The following ADAMTS9 variants were observed in gnomAD, a reference collection of about 807,000 sequenced individuals.
ADAMTS9 encodes ADAM metallopeptidase with thrombospondin type 1 motif 9, also known as A disintegrin and metalloproteinase with thrombospondin motifs 9.
Under a neutral mutation model 257.1 loss-of-function variants are expected in ADAMTS9, and 107 were observed. That is an observed-to-expected ratio of 0.42 (90% CI 0.36 to 0.49). The LOEUF is 0.49. Ranked by LOEUF, ADAMTS9 falls within the 20% of genes least tolerant of loss-of-function variation. The pLI is 0.03. For missense variants in ADAMTS9, 2,353 were observed against 2,469.1 expected, an observed-to-expected ratio of 0.95 and a Z score of 1.00; for synonymous variants, 982 against 880.9, an observed-to-expected ratio of 1.11 and a Z score of -2.03.
chr3:64,665,441 G>A (rs1403091006), intron 3 of ADAMTS9, among the ~76,000 whole-genome samples: 1 of 152,216 alleles, frequency 6.6e-6, no homozygotes, highest in African/African-American at 2.4e-5. Flanking sequence ...TCATAGAGTG[G>A]CTTTGAGGAA....
chr3:64,662,770 T>C (rs1241276267), intron 3 of ADAMTS9, among the ~76,000 whole-genome samples: 1 of 152,054 alleles, frequency 6.6e-6, no homozygotes, highest in Non-Finnish European at 1.5e-5. Context: ...AGACAGAAAG[T>C]AGAGTAGTAC....
intron 12 of ADAMTS9, among the ~76,000 whole-genome samples, chr3:64,637,634 A>C (rs1700531854): frequency 6.6e-6 from 1 of 152,238 alleles, no homozygotes; most frequent in South Asian, 2.1e-4. Flanking sequence ...TTCTACGTTT[A>C]GGTACGATGA....
chr3:64,668,395 G>A (rs1450312142), intron 3 of ADAMTS9, among the ~76,000 whole-genome samples: 1 of 152,200 alleles, frequency 6.6e-6, no homozygotes, highest in Non-Finnish European at 1.5e-5. Context: ...GGCAGGAAGT[G>A]TTTGCAGAGT....
intron 3 of ADAMTS9, among the ~76,000 whole-genome samples, chr3:64,675,184 AC>A (rs1247758286): frequency 2.6e-5 from 4 of 152,242 alleles, no homozygotes; most frequent in Non-Finnish European, 5.9e-5. Context: ...AGTCAACATT[AC>A]AGACTTCTCT....
intron 2 of ADAMTS9, among the ~76,000 whole-genome samples, chr3:64,684,443 G>T (rs1235812513): frequency 1.3e-5 from 2 of 151,990 alleles, no homozygotes; most frequent in African/African-American, 2.4e-5. Flanking sequence ...GACTCTTCAA[G>T]ATTTCCTGGA....
In ADAMTS9 at chr3:64,603,964, A is replaced by C. The variant is rs1163129707; in HGVS notation, c.3705T>G (p.Ser1235=). 2.5e-6 allele frequency: 4 copies of C among 1,614,062 alleles called. No individual in the cohort carries two copies. The Admixed American group carries it at 6.7e-5, about 27-fold the overall frequency. ...LPRPVAKEEC[S]VTPCGQWKAL... Reference sequence around the variant, plus strand: ...CCTTCCATTGCCCACAGGGTGTCACAGAACATTCTTCCTTTGCCACTGGTC... The same window carrying C: ...CCTTCCATTGCCCACAGGGTGTCACCGAACATTCTTCCTTTGCCACTGGTC... The change falls in exon 25 of 40, where the codon TCT becomes TCG. Residue 1235 remains serine, a synonymous_variant. Transcript: ENST00000498707.
chr3:64,522,159 T>A lies in ADAMTS9; in HGVS notation c.*5+7A>T. 1 of 1,612,130 alleles carries A rather than the reference T, an allele frequency of 6.2e-7. No homozygotes were observed. Among genetic ancestry groups the A allele is most frequent in the Non-Finnish European group, 8.5e-7 (1 of 1,178,276 alleles). ...ATACACAGACAGACAGACATAGGAC[T>A]ACTTACCTTAGCTATAAAACTCGCA... On this transcript the variant is annotated splice_region_variant and intron_variant, in intron 39 of 39. Coordinates refer to ENST00000498707, the MANE Select transcript of ADAMTS9 (RefSeq NM_182920.2).
chr3:64,540,530 A>C (rs2106909185), intron 36 of ADAMTS9, among the ~76,000 whole-genome samples: 1 of 152,310 alleles, frequency 6.6e-6, no homozygotes, highest in South Asian at 2.1e-4. Context: ...AATTAGTTTT[A>C]CGTCTGTGTA....
chr3:64,604,212 C>G lies in ADAMTS9; in HGVS notation c.3579+15G>C, dbSNP rs2084517665. Reference sequence around the variant, plus strand: ...CCCATCCTGCCCTCCCCATTTCTCCCAGTCTATTTCTTACTGGGGTCCAAG... The same window carrying G: ...CCCATCCTGCCCTCCCCATTTCTCCGAGTCTATTTCTTACTGGGGTCCAAG... On this transcript the variant is annotated intron_variant, in intron 24 of 39. Coordinates refer to ENST00000498707, the MANE Select transcript of ADAMTS9 (RefSeq NM_182920.2). 2 of 1,608,862 alleles carry G rather than the reference C, an allele frequency of 1.2e-6. No individual in the cohort carries two copies. Among genetic ancestry groups the G allele is most frequent in the Non-Finnish European group, 1.7e-6 (2 of 1,176,738 alleles).
intron 31 of ADAMTS9, 24 bp from the exon 32 acceptor site, chr3:64,546,976 A>G: frequency 1.3e-6 from 2 of 1,589,416 alleles, no homozygotes; most frequent in Non-Finnish European, 1.7e-6. Context: ...GATTGAGAGG[A>G]GAGGTTCGAG....
At chr3:64,550,274 C>T (rs1288746653) in intron 31 of ADAMTS9, 1 of 152,218 alleles carries the variant, frequency 6.6e-6, no homozygotes, top group East Asian at 1.9e-4. Flanking sequence ...TCCTCTGAAG[C>T]TGTTTGTTAA....
chr3:64,633,669 C>A, intron 13 of ADAMTS9, 29 bp downstream of exon 13: 1 of 1,613,714 alleles, frequency 6.2e-7, no homozygotes, highest in Non-Finnish European at 8.5e-7. Context: ...GGCCGGCCAA[C>A]GGTGAACAGA....
At chr3:64,555,038 C>G (rs905685014) in intron 30 of ADAMTS9, among the ~76,000 whole-genome samples, 9 of 152,196 alleles carry the variant, frequency 5.9e-5, no homozygotes, top group Non-Finnish European at 1.2e-4. Flanking sequence ...GAGTCACAGG[C>G]TCTACCTTTT....
chr3:64,662,723 C>T (rs1407182106), intron 3 of ADAMTS9, among the ~76,000 whole-genome samples: 3 of 152,022 alleles, frequency 2.0e-5, no homozygotes, highest in Non-Finnish European at 4.4e-5. Context: ...CAAAGGTCTC[C>T]AGTCATAGGA....
chr3:64,622,412 G>C lies in ADAMTS9; in HGVS notation c.2556+8C>G, dbSNP rs201049399. ...AAAAGGGTGGTGGGCTCATGGTCAAGTTTTTACCTGAAGCAAAAGTTCTTG... is the reference window on the plus strand; with the variant it reads ...AAAAGGGTGGTGGGCTCATGGTCAACTTTTTACCTGAAGCAAAAGTTCTTG... On this transcript the variant is annotated splice_region_variant and intron_variant, in intron 17 of 39. Coordinates refer to ENST00000498707, the MANE Select transcript of ADAMTS9 (RefSeq NM_182920.2). The C allele has an allele frequency of 6.2e-7, 1 of 1,613,824 alleles. No individual in the cohort carries two copies. Among genetic ancestry groups the C allele is most frequent in the East Asian group, 2.2e-5 (1 of 44,842 alleles).
In ADAMTS9 at chr3:64,550,950, C is replaced by A. The variant is rs374354849; in HGVS notation, c.4811G>T (p.Arg1604Leu). 3 of 1,614,184 alleles carry A rather than the reference C, an allele frequency of 1.9e-6. 1 individual carries two copies. The highest frequency in any genetic ancestry group is 2.2e-5 in the South Asian group (2 of 91,082). The stretch of plus-strand genomic sequence containing the variant: ...GCAGGGTTGCAAACTACAGCTTTCA[C>A]GGTCCACCGGCCGCTTGCTCACGTC... Reference protein sequence around the residue: ...RCDVSKRPVDRESCSLQPCEY... With the variant: ...RCDVSKRPVDLESCSLQPCEY... The change falls in exon 31 of 40, where the codon CGT becomes CTT. Residue 1604 changes from arginine (R) to leucine (L), a missense_variant. By Grantham distance (102) the Arg-to-Leu change is moderately radical (BLOSUM62 -2). Transcript: ENST00000498707.
chr3:64,536,050 C>T (rs2083045539), intron 37 of ADAMTS9, among the ~76,000 whole-genome samples: 1 of 152,148 alleles, frequency 6.6e-6, no homozygotes, highest in African/African-American at 2.4e-5. Flanking sequence ...TCCGGAGGTC[C>T]AGGCGGCTGA....
At chr3:64,522,077 C>A in intron 39 of ADAMTS9, 89 bp downstream of exon 39, 1 of 1,125,670 alleles carries the variant, frequency 8.9e-7, no homozygotes, top group East Asian at 2.5e-5. Context: ...TTAACTGTAA[C>A]CCTGCCTGAT....
At position 64,594,229 on chromosome 3, in the gene ADAMTS9, T is replaced by A. The variant is rs548464281; in HGVS notation, c.4356+29A>T. The A allele has an allele frequency of 4.4e-6, 7 of 1,591,710 alleles. No homozygotes were observed. In the South Asian group the frequency reaches 8.0e-5, roughly 18 times the overall value. On this transcript the variant is annotated intron_variant, in intron 28 of 39. Transcript: ENST00000498707. ...AATACCTTGGAATTAGATAGTTTGGTTAACAAACATGAATAGTTAGGGCCG... is the reference window on the plus strand; with the variant it reads ...AATACCTTGGAATTAGATAGTTTGGATAACAAACATGAATAGTTAGGGCCG...
Sources: gnomAD v4.1 joint callset for allele counts (sites outside exome capture counted in the v4.1 genomes callset) on GRCh38, gnomAD v4.1.1 for gene constraint, MANE v1.5 for transcripts, NCBI Gene and HGNC (gene_info 2026-07-23, HGNC 2026-07-21) for gene names.